FRMD4B: variants seen among roughly 807,000 people sequenced by gnomAD.
FRMD4B encodes FERM domain-containing protein 4B.
Under a neutral mutation model 141.5 loss-of-function variants are expected in FRMD4B, and 74 were observed. The ratio of observed to expected loss-of-function variants is 0.52; its 90% CI spans 0.43 to 0.63. The LOEUF (loss-of-function observed/expected upper bound fraction) is 0.63. FRMD4B is among the 30% of genes least tolerant of loss of function. The pLI, the probability that FRMD4B is intolerant of heterozygous loss-of-function variation, is 0.00. For missense variants in FRMD4B, 1,366 were observed against 1,253.4 expected (o/e 1.09, Z -1.36); for synonymous variants, 506 against 467.9 (o/e 1.08, Z -1.05).
chr3:69,495,459 C>T (rs755038117), intron 1 of FRMD4B, among the ~76,000 whole-genome samples: 1 of 152,178 alleles, frequency 6.6e-6, no homozygotes, highest in African/African-American at 2.4e-5. Flanking sequence ...AGCTTATGCT[C>T]TCTCTCTGCC....
At chr3:69,232,397 T>A (rs1286628644) in intron 7 of FRMD4B, among the ~76,000 whole-genome samples, 2 of 152,134 alleles carry the variant, frequency 1.3e-5, no homozygotes, top group Non-Finnish European at 2.9e-5. Flanking sequence ...TAGGCTGAAC[T>A]CCTCCCTTAG....
At chr3:69,518,960 G>C (rs1700809523) in intron 1 of FRMD4B, among the ~76,000 whole-genome samples, 1 of 152,190 alleles carries the variant, frequency 6.6e-6, no homozygotes, top group Non-Finnish European at 1.5e-5. Flanking sequence ...CAGGCAGCTT[G>C]TTTCTGTGTT....
chr3:69,413,958 G>C (rs137907712), intron 2 of FRMD4B, among the ~76,000 whole-genome samples: 385 of 152,152 alleles, frequency 2.5e-3, no homozygotes, highest in African/African-American at 8.9e-3. Context: ...TGGGGATTTG[G>C]AACCTTCTGG....
At chr3:69,516,580 C>T (rs1017104915) in intron 1 of FRMD4B, among the ~76,000 whole-genome samples, 4 of 152,170 alleles carry the variant, frequency 2.6e-5, no homozygotes, top group Non-Finnish European at 5.9e-5. Context: ...GATTTTAGCC[C>T]GGTGAAACCT....
chr3:69,393,205 G>T (rs1356537387), intron 2 of FRMD4B, among the ~76,000 whole-genome samples: 2 of 152,024 alleles, frequency 1.3e-5, no homozygotes, highest in Non-Finnish European at 1.5e-5. Context: ...ACTCCTGGGG[G>T]TGTAGGAGGG....
chr3:69,464,326 GC>G (rs1705750083), intron 1 of FRMD4B, among the ~76,000 whole-genome samples: 1 of 152,168 alleles, frequency 6.6e-6, no homozygotes, highest in African/African-American at 2.4e-5. Flanking sequence ...CATTTAGAGT[GC>G]CTTGGAAATA....
In FRMD4B at chr3:69,169,150, A is replaced by G. The variant is rs998077689; in HGVS notation, c.*2711T>C. 3.3e-5 allele frequency among the ~76,000 whole-genome samples: 5 copies of G among 152,126 alleles called. No homozygotes were observed. The highest frequency in any genetic ancestry group is 7.4e-5 in the Non-Finnish European group (5 of 68,018). On this transcript the variant is annotated 3_prime_UTR_variant, in exon 23 of 23. Coordinates refer to ENST00000398540, the MANE Select transcript of FRMD4B (RefSeq NM_015123.3). ...TAATGGGCACGATTATGTTTTTGTT[A>G]TGTACTATTTTGGTTTTGCATTTAA...
At position 69,386,017 on chromosome 3, in the gene FRMD4B, G is replaced by A. The variant is rs1304181278; in HGVS notation, c.-28C>T. ...CTCCTCCTTCGCTCTGAACCCGGGC[G>A]TCCCGGCTCTCGTACGTGCAGCCCC... On this transcript the variant is annotated 5_prime_UTR_variant, in exon 1 of 23. In the 5' UTR this introduces an upstream ATG that the reference lacks. Transcript: ENST00000398540. 4 of 1,539,530 alleles carry A rather than the reference G, an allele frequency of 2.6e-6. No homozygotes were observed. Among genetic ancestry groups the A allele is most frequent in the South Asian group, 1.2e-5 (1 of 81,710 alleles).
At chr3:69,319,055 C>A (rs1412573504) in intron 1 of FRMD4B, among the ~76,000 whole-genome samples, 1 of 152,138 alleles carries the variant, frequency 6.6e-6, no homozygotes, top group African/African-American at 2.4e-5. Flanking sequence ...GTGGACCGGG[C>A]AAAGTGCTTG....
In FRMD4B at chr3:69,181,240, G is replaced by A. The variant is rs768360031; in HGVS notation, c.2510C>T (p.Pro837Leu). The change falls in exon 21 of 23, where the codon CCT becomes CTT. Residue 837 changes from proline to leucine, a missense_variant. Coordinates refer to ENST00000398540, the MANE Select transcript of FRMD4B (RefSeq NM_015123.3). ...NDTEGQYSVN[P>L]SYRSSAHYGY... ...ATAGTGGGCTGAGGACCGGTAGGAA[G>A]GGTTGACACTATACTGTCCCTCGGT... is the stretch of plus-strand genomic sequence containing the variant. 2.9e-5 allele frequency: 47 copies of A among 1,613,744 alleles called. No homozygotes were observed. The highest frequency in any genetic ancestry group is 3.3e-4 in the Middle Eastern group (2 of 6,062).
At chr3:69,380,091 C>T (rs1482891063) in intron 1 of FRMD4B, among the ~76,000 whole-genome samples, 1 of 152,234 alleles carries the variant, frequency 6.6e-6, no homozygotes, top group Non-Finnish European at 1.5e-5. Flanking sequence ...AGAGTTCAGG[C>T]ATTACCAGTT....
chr3:69,452,579 TGAAA>T (rs984614119), intron 1 of FRMD4B, among the ~76,000 whole-genome samples: 1 of 152,212 alleles, frequency 6.6e-6, no homozygotes, highest in African/African-American at 2.4e-5. Flanking sequence ...GTCAAGTGAA[TGAAA>T]GAATCATTAT....
intron 1 of FRMD4B, among the ~76,000 whole-genome samples, chr3:69,478,714 A>G (rs939552498): frequency 6.6e-6 from 1 of 152,176 alleles, no homozygotes; most frequent in Non-Finnish European, 1.5e-5. Context: ...GTAGATGTCT[A>G]TTAGGTCTGC....
At chr3:69,365,560 A>C (rs1170806626) in intron 1 of FRMD4B, among the ~76,000 whole-genome samples, 1 of 150,144 alleles carries the variant, frequency 6.7e-6, no homozygotes, top group Non-Finnish European at 1.5e-5. Context: ...GCTGGGGTGC[A>C]GTGAAGCAAT....
intron 1 of FRMD4B, among the ~76,000 whole-genome samples, chr3:69,496,121 A>C (rs1706380402): frequency 6.6e-6 from 1 of 152,224 alleles, no homozygotes; most frequent in African/African-American, 2.4e-5. Context: ...ATTATTTGTA[A>C]TGAAGACAAA....
At chr3:69,366,437 A>G (rs890501722) in intron 1 of FRMD4B, among the ~76,000 whole-genome samples, 2 of 152,228 alleles carry the variant, frequency 1.3e-5, no homozygotes, top group African/African-American at 4.8e-5. Flanking sequence ...AATACATTTT[A>G]GAATAAATTA....
In FRMD4B at chr3:69,224,682, T is replaced by C; in HGVS notation, c.590A>G (p.Asn197Ser). Reference sequence around the variant, plus strand: ...TAATGTCTTTAAATCTTTCCTGGCATTTTCATCACTAAAAAGAAATGGAAT... The same window carrying C: ...TAATGTCTTTAAATCTTTCCTGGCACTTTCATCACTAAAAAGAAATGGAAT... ...EAKGDYTSDE[N>S]ARKDLKTLPA... Residue 197 changes from asparagine (N) to serine (S), a missense_variant, in exon 8 of 23, where the codon AAT (asparagine) becomes AGT (serine). Transcript: ENST00000398540. 6.6e-7 allele frequency: 1 copy of C among 1,520,106 alleles called. No individual in the cohort carries two copies. The highest frequency in any genetic ancestry group is 9.0e-7 in the Non-Finnish European group (1 of 1,106,816). 94.2% of individuals were successfully genotyped at this position (1,520,106 alleles called of 1,614,324 possible). A position where few individuals can be genotyped will look rare whatever the true frequency, so the allele number is the denominator to read the frequency against.
chr3:69,181,144 G>T lies in FRMD4B; in HGVS notation c.2606C>A (p.Pro869Gln), dbSNP rs776150142. Reference protein sequence around the residue: ...EDEVDRVPHNPYATLRLPRKA... With the variant: ...EDEVDRVPHNQYATLRLPRKA... ...CCTTGGCAGCCGGAGAGTTGCATAT[G>T]GGTTATGGGGTACCCGGTCGACCTC... Residue 869 changes from proline (P) to glutamine (Q), a missense_variant, in exon 21 of 23, where the codon CCA becomes CAA. Pro to Gln is a moderately conservative substitution (Grantham distance 76). Coordinates refer to ENST00000398540, the MANE Select transcript of FRMD4B (RefSeq NM_015123.3). 1.2e-6 allele frequency: 2 copies of T among 1,613,850 alleles called. No individual in the cohort carries two copies. Among genetic ancestry groups the T allele is most frequent in the African/African-American group, 2.7e-5 (2 of 74,924 alleles).
chr3:69,382,579 C>T (rs923218820), intron 1 of FRMD4B, among the ~76,000 whole-genome samples: 5 of 152,142 alleles, frequency 3.3e-5, no homozygotes, highest in Non-Finnish European at 5.9e-5. Flanking sequence ...TTCCCACCCC[C>T]CTCCTCCAAA....
Sources: gnomAD v4.1 joint callset for allele counts (sites outside exome capture counted in the v4.1 genomes callset) on GRCh38, gnomAD v4.1.1 for gene constraint, MANE v1.5 for transcripts, NCBI Gene and HGNC (gene_info 2026-07-23, HGNC 2026-07-21) for gene names.